The following EVI2B variants were observed in gnomAD, a reference collection of about 807,000 sequenced individuals.
EVI2B encodes the protein protein EVI2B.
A neutral mutation model predicts 6.6 loss-of-function variants in EVI2B; 4 were observed. The observed-to-expected ratio is 0.61, with a 90% confidence interval of 0.30 to 1.39. EVI2B has a LOEUF of 1.39. EVI2B is among the 40% of genes most tolerant of loss of function. The pLI is 0.08. For missense variants in EVI2B, 484 were observed against 516.6 expected (o/e 0.94, Z 0.61); for synonymous variants, 181 against 186.8 (o/e 0.97, Z 0.25).
In EVI2B at chr17:31,304,885, G is replaced by T. The variant is rs2068667786; in HGVS notation, c.725C>A (p.Ser242Tyr). The T allele has an allele frequency of 6.2e-7, 1 of 1,614,100 alleles. No individual in the cohort carries two copies. Among genetic ancestry groups the T allele is most frequent in the Admixed American group, 1.7e-5 (1 of 60,016 alleles). The change falls in exon 2 of 2, where the codon TCT (serine) becomes TAT (tyrosine). Residue 242 changes from serine (S) to tyrosine (Y), a missense_variant. Ser to Tyr is a moderately radical substitution (Grantham distance 144, BLOSUM62 -2). Transcript: ENST00000330927. ...VLNDQNWAGRSPFADGETPDI... is the reference protein window; with the variant it reads ...VLNDQNWAGRYPFADGETPDI... ...AGGGGTTTCTCCATCAGCAAATGGA[G>T]ATCTACCTGCCCAATTTTGATCATT...
rs1410250564 is a variant in EVI2B, at chr17:31,304,846, T to C, written c.764A>G (p.Asp255Gly). The change falls in exon 2 of 2, where the codon GAT becomes GGT. Residue 255 changes from aspartate (D) to glycine (G), a missense_variant. Transcript: ENST00000330927. ...GGATATTTCATTTTCTCTGATGTTA[T>C]CCATACAAATGTCAGGGGTTTCTCC... The part of the protein sequence containing the change: ...ADGETPDICM[D>G]NIRENEISTK... 1 of 1,614,088 alleles carries C rather than the reference T, an allele frequency of 6.2e-7. No individual in the cohort carries two copies. The highest frequency in any genetic ancestry group is 8.5e-7 in the Non-Finnish European group (1 of 1,180,028).
In EVI2B at chr17:31,305,550, A is replaced by C. The variant is rs1470753314; in HGVS notation, c.60T>G (p.Phe20Leu). The C allele has an allele frequency of 6.2e-7, 1 of 1,614,154 alleles. No individual in the cohort carries two copies. The highest frequency in any genetic ancestry group is 1.1e-5 in the South Asian group (1 of 91,080). ...LFCGHLNNTF[F>L]SKTETITTEK... ...CTGTTGTAATTGTCTCTGTCTTTGA[A>C]AAAAATGTATTGTTCAGGTGTCCAC... is the stretch of plus-strand genomic sequence containing the variant. Residue 20 changes from phenylalanine (F) to leucine (L), a missense_variant, in exon 2 of 2, where the codon TTT becomes TTG. Transcript: ENST00000330927.
intron 1 of EVI2B, chr17:31,307,989 T>C: frequency 8.6e-7 from 1 of 1,157,752 alleles, no homozygotes; most frequent in Non-Finnish European, 1.1e-6. Flanking sequence ...GATATGTGAT[T>C]TTTTTCCCTA....
chr17:31,305,146 A>G lies in EVI2B; in HGVS notation c.464T>C (p.Ile155Thr). 6.2e-7 allele frequency: 1 copy of G among 1,614,154 alleles called. No individual in the cohort carries two copies. Among genetic ancestry groups the G allele is most frequent in the Non-Finnish European group, 8.5e-7 (1 of 1,180,032 alleles). Residue 155 changes from isoleucine to threonine, a missense_variant, in exon 2 of 2, where the codon ATC (isoleucine) becomes ACC (threonine). Physicochemically the swap from Ile to Thr is moderately conservative, Grantham distance 89. Transcript: ENST00000330927. Reference protein sequence around the residue: ...TFTQQSSSVQIPSRKQITVHN... With the variant: ...TFTQQSSSVQTPSRKQITVHN... ...AACAGTTATTTGTTTTCTAGAAGGGATCTGGACAGATGATGATTGTTGAGT... is the reference window on the plus strand; with the variant it reads ...AACAGTTATTTGTTTTCTAGAAGGGGTCTGGACAGATGATGATTGTTGAGT...
Position 31,304,757 on chromosome 17 carries a change from C to G in EVI2B, c.853G>C (p.Asp285His), listed in dbSNP as rs113483471. The change falls in exon 2 of 2, where the codon GAT (aspartate) becomes CAT (histidine). Residue 285 changes from aspartate to histidine, a missense_variant. By Grantham distance (81) the Asp-to-His change is moderately conservative. Transcript: ENST00000330927. ...WKPSKSTLLA[D>H]DLEIKLFESS... ...TCAAACAACTTAATTTCTAAGTCAT[C>G]TGCTAAAAGTGTGCTTTTGCTTGGT... is the stretch of plus-strand genomic sequence containing the variant. 7.4e-4 allele frequency: 1,198 copies of G among 1,614,152 alleles called. 6 individuals carry two copies. In the African/African-American group the frequency reaches 0.013, roughly 18 times the overall value.
rs1597801227 is a variant in EVI2B at position 31,305,288 on chromosome 17, G to T, written c.322C>A (p.Gln108Lys). 6.2e-7 allele frequency: 1 copy of T among 1,614,168 alleles called. No homozygotes were observed. Among genetic ancestry groups the T allele is most frequent in the Non-Finnish European group, 8.5e-7 (1 of 1,180,040 alleles). The change falls in exon 2 of 2, where the codon CAA becomes AAA. Residue 108 changes from glutamine (Q) to lysine (K), a missense_variant. Transcript: ENST00000330927. ...GAGGTGTTGGCTATTGGTGTTGGTT[G>T]TTTGGTGTTGTAGGCAAGTGGTTGT... ...AGQPLAYNTK[Q>K]PTPIANTSSQ... is the part of the protein sequence containing the mutation.
At chr17:31,313,722 ATGT>A (rs1348836977) in intron 1 of EVI2B, among the ~76,000 whole-genome samples, 9 of 139,026 alleles carry the variant, frequency 6.5e-5, no homozygotes, top group African/African-American at 2.5e-4. Context: ...AAAAAAAAAT[ATGT>A]GTGTGTGTGT....
At chr17:31,311,197 C>G (rs1459664743) in intron 1 of EVI2B, among the ~76,000 whole-genome samples, 2 of 152,102 alleles carry the variant, frequency 1.3e-5, no homozygotes, top group African/African-American at 2.4e-5. Flanking sequence ...AAGTGACCCA[C>G]CCACCTTGGC....
chr17:31,308,826 C>T (rs1387588086), intron 1 of EVI2B, among the ~76,000 whole-genome samples: 1 of 152,110 alleles, frequency 6.6e-6, no homozygotes, highest in Non-Finnish European at 1.5e-5. Context: ...TTTATGGTTC[C>T]TTACATAATT....
intron 1 of EVI2B, among the ~76,000 whole-genome samples, chr17:31,305,871 C>T (rs2068707134): frequency 6.6e-6 from 1 of 152,216 alleles, no homozygotes. Context: ...AGTGATCTCT[C>T]TTCTTTTATT....
At chr17:31,309,173 G>T (rs1335075457) in intron 1 of EVI2B, among the ~76,000 whole-genome samples, 3 of 152,168 alleles carry the variant, frequency 2.0e-5, no homozygotes, top group Non-Finnish European at 4.4e-5. Context: ...TGATTCCAAA[G>T]CATACATTCT....
chr17:31,306,390 T>TTA (rs1249757725), intron 1 of EVI2B, among the ~76,000 whole-genome samples: 1 of 152,094 alleles, frequency 6.6e-6, no homozygotes, highest in African/African-American at 2.4e-5. Flanking sequence ...TTTCCATATT[T>TTA]TATATATATA....
chr17:31,310,924 G>A (rs879276238), intron 1 of EVI2B, among the ~76,000 whole-genome samples: 4 of 150,752 alleles, frequency 2.7e-5, no homozygotes, highest in Non-Finnish European at 4.4e-5. Flanking sequence ...AGGAGTCCCC[G>A]TGTATAAGAC....
intron 1 of EVI2B, among the ~76,000 whole-genome samples, chr17:31,313,727 T>C (rs1440575241): frequency 4.1e-5 from 1 of 24,636 alleles, no homozygotes; most frequent in African/African-American, 1.3e-4. Flanking sequence ...AAAATATGTG[T>C]GTGTGTGTGT....
chr17:31,311,043 C>T (rs1401957591), intron 1 of EVI2B, among the ~76,000 whole-genome samples: 1 of 150,746 alleles, frequency 6.6e-6, no homozygotes, highest in East Asian at 2.0e-4. Context: ...GCCTCCTGGG[C>T]TCAAGCGATC....
chr17:31,305,209 G>T lies in EVI2B; in HGVS notation c.401C>A (p.Ser134Tyr), dbSNP rs1393022212. 6.2e-7 allele frequency: 1 copy of T among 1,614,202 alleles called. No individual in the cohort carries two copies. Among genetic ancestry groups the T allele is most frequent in the East Asian group, 2.2e-5 (1 of 44,888 alleles). The change falls in exon 2 of 2, where the codon TCT becomes TAT. Residue 134 changes from serine (S) to tyrosine (Y), a missense_variant. Ser to Tyr is a moderately radical substitution (Grantham distance 144, BLOSUM62 -2). Transcript: ENST00000330927. Reference protein sequence around the residue: ...SARQLPSARTSTTQPPKSFVY... With the variant: ...SARQLPSARTYTTQPPKSFVY... ...AAATGACTTTGGTGGTTGTGTGGTA[G>T]AAGTACGGGCAGATGGTAGTTGTCT...
intron 1 of EVI2B, among the ~76,000 whole-genome samples, chr17:31,307,359 A>G (rs1303996158): frequency 6.6e-6 from 1 of 152,222 alleles, no homozygotes; most frequent in African/African-American, 2.4e-5. Flanking sequence ...AAAAGTATGC[A>G]GGAGATGTAC....
chr17:31,304,135 G>A lies in EVI2B; in HGVS notation c.*128C>T, dbSNP rs764603151. 2.2e-4 allele frequency: 204 copies of A among 940,900 alleles called. 3 individuals are homozygous for A. The highest frequency in any genetic ancestry group is 1.6e-3 in the Middle Eastern group (5 of 3,088). The allele number at this position is 940,900 out of a possible 1,614,324, so 58.3% of individuals were successfully genotyped here. A position where few individuals can be genotyped will look rare whatever the true frequency, so the allele number is the denominator to read the frequency against. On this transcript the variant is annotated 3_prime_UTR_variant, in exon 2 of 2. Transcript: ENST00000330927. ...TTTCATCTATGCACATAGGCTCTGA[G>A]CAGATTTCAGATAGTTCCTGAATAA...
chr17:31,305,296 T>G lies in EVI2B; in HGVS notation c.314A>C (p.Asn105Thr), dbSNP rs774543831. 4 of 1,614,100 alleles carry G rather than the reference T, an allele frequency of 2.5e-6. No individual in the cohort carries two copies. Among genetic ancestry groups the G allele is most frequent in the Admixed American group, 1.7e-5 (1 of 59,998 alleles). The change falls in exon 2 of 2, where the codon AAC becomes ACC. Residue 105 changes from asparagine (N) to threonine (T), a missense_variant. By Grantham distance (65) the Asn-to-Thr change is moderately conservative. Coordinates refer to ENST00000330927, the MANE Select transcript of EVI2B (RefSeq NM_006495.4). The part of the protein sequence containing the change: ...HTSAGQPLAY[N>T]TKQPTPIANT... Reference sequence around the variant, plus strand: ...GGCTATTGGTGTTGGTTGTTTGGTGTTGTAGGCAAGTGGTTGTCCAGCAGA... The same window carrying G: ...GGCTATTGGTGTTGGTTGTTTGGTGGTGTAGGCAAGTGGTTGTCCAGCAGA...
Sources: gnomAD v4.1 joint callset for allele counts (sites outside exome capture counted in the v4.1 genomes callset) on GRCh38, gnomAD v4.1.1 for gene constraint, MANE v1.5 for transcripts, NCBI Gene and HGNC (gene_info 2026-07-23, HGNC 2026-07-21) for gene names.